DCHS2: variants seen among roughly 807,000 people sequenced by gnomAD.
DCHS2 encodes the protein dachsous cadherin-related 2.
Under a neutral mutation model 182.4 loss-of-function variants are expected in DCHS2, and 142 were observed. The observed-to-expected ratio is 0.78, with a 90% confidence interval of 0.68 to 0.89. DCHS2 has a LOEUF of 0.89. Ranked by LOEUF, DCHS2 falls within the 40% of genes least tolerant of loss-of-function variation. The probability of loss-of-function intolerance (pLI) is 0.00; values close to 1 mark genes in which losing one functional copy is unlikely to be tolerated. For synonymous variants in DCHS2, 1,740 were observed against 1,663.3 expected, an observed-to-expected ratio of 1.05 and a Z score of -1.12; for missense variants, 4,319 against 4,198.6, an observed-to-expected ratio of 1.03 and a Z score of -0.79.
chr4:154,298,321 T>C lies in DCHS2; in HGVS notation c.5993A>G (p.Glu1998Gly). The change falls in exon 13 of 20, where the codon GAA (glutamate) becomes GGA (glycine). Residue 1998 changes from glutamate (E) to glycine (G), a missense_variant. Coordinates refer to ENST00000357232, the MANE Select transcript of DCHS2 (RefSeq NM_001358235.2). Reference sequence around the variant, plus strand: ...ACTAAATGTATGCTGAGATCTGGCTTCACGGTCGAGGGTGTTGCTGGTTTT... The same window carrying C: ...ACTAAATGTATGCTGAGATCTGGCTCCACGGTCGAGGGTGTTGCTGGTTTT... ...TLKTSNTLDR[E>G]ARSQHTFSAV... 1 of 1,614,196 alleles carries C rather than the reference T, an allele frequency of 6.2e-7. No individual in the cohort carries two copies. The highest frequency in any genetic ancestry group is 8.5e-7 in the Non-Finnish European group (1 of 1,180,006).
intron 3 of DCHS2, among the ~76,000 whole-genome samples, chr4:154,335,348 C>T (rs954610227): frequency 6.6e-6 from 1 of 152,148 alleles, no homozygotes; most frequent in Non-Finnish European, 1.5e-5. Flanking sequence ...TGTGGGCAGG[C>T]CTGGTCCAAT....
intron 7 of DCHS2, among the ~76,000 whole-genome samples, chr4:154,325,253 A>G (rs1018104585): frequency 2.0e-5 from 3 of 151,834 alleles, no homozygotes; most frequent in East Asian, 1.9e-4. Flanking sequence ...CCATACATCC[A>G]TAAATAACAT....
chr4:154,377,731 T>C (rs1427562354), intron 1 of DCHS2, among the ~76,000 whole-genome samples: 2 of 152,206 alleles, frequency 1.3e-5, no homozygotes, highest in Admixed American at 6.5e-5. Flanking sequence ...CATTCACTTA[T>C]AGTCTTCTTA....
At chr4:154,242,480 T>C (rs759726751) in intron 17 of DCHS2, among the ~76,000 whole-genome samples, 162 bp downstream of exon 17, 20 of 152,218 alleles carry the variant, frequency 1.3e-4, no homozygotes, top group Non-Finnish European at 2.4e-4. Flanking sequence ...ATTTAACTTA[T>C]GATCATCCAT....
intron 14 of DCHS2, among the ~76,000 whole-genome samples, chr4:154,268,085 G>A (rs986482562): frequency 6.6e-6 from 1 of 152,158 alleles, no homozygotes; most frequent in Non-Finnish European, 1.5e-5. Context: ...GCATCGTGAG[G>A]TGCCATAGCA....
intron 1 of DCHS2, among the ~76,000 whole-genome samples, chr4:154,419,476 C>T (rs1339628771): frequency 6.6e-6 from 1 of 151,298 alleles, no homozygotes; most frequent in Non-Finnish European, 1.5e-5. Flanking sequence ...TGTGGTGAAA[C>T]CCCATCTCTA....
intron 7 of DCHS2, among the ~76,000 whole-genome samples, chr4:154,325,803 GCTCCCTGAC>G (rs1197239377): frequency 6.6e-6 from 1 of 152,196 alleles, no homozygotes; most frequent in African/African-American, 2.4e-5. Context: ...GAAGAATTTG[GCTCCCTGAC>G]CATGGAGGTA....
At chr4:154,289,017 T>C (rs1242546199) in intron 13 of DCHS2, among the ~76,000 whole-genome samples, 1 of 151,364 alleles carries the variant, frequency 6.6e-6, no homozygotes, top group Non-Finnish European at 1.5e-5. Context: ...TCTTAAAGAA[T>C]TAAAAAAGCA....
intron 10 of DCHS2, among the ~76,000 whole-genome samples, chr4:154,309,153 G>T (rs1735576490): frequency 6.6e-6 from 1 of 152,110 alleles, no homozygotes; most frequent in South Asian, 2.1e-4. Flanking sequence ...TGTAGTGGTT[G>T]TTCCCTCTGC....
intron 3 of DCHS2, among the ~76,000 whole-genome samples, chr4:154,345,398 C>G (rs1388305275): frequency 6.6e-6 from 1 of 152,218 alleles, no homozygotes; most frequent in Non-Finnish European, 1.5e-5. Flanking sequence ...TGATGCTGAT[C>G]TAACTGATTC....
At chr4:154,429,271 G>A (rs970685642) in intron 1 of DCHS2, among the ~76,000 whole-genome samples, 21 of 152,254 alleles carry the variant, frequency 1.4e-4, no homozygotes, top group East Asian at 5.8e-4. Context: ...TTGGAGAGCC[G>A]AAATGACTGT....
chr4:154,348,148 C>T (rs1349246389), intron 3 of DCHS2, among the ~76,000 whole-genome samples: 2 of 151,972 alleles, frequency 1.3e-5, no homozygotes, highest in Non-Finnish European at 2.9e-5. Flanking sequence ...CCAGTGGACA[C>T]AGATGGCTTA....
chr4:154,491,612 T>G lies in DCHS2; in HGVS notation c.-257A>C. On this transcript the variant is annotated 5_prime_UTR_variant, in exon 1 of 20. The change abolishes the stop of an existing upstream ORF in the 5' untranslated region. Coordinates refer to ENST00000357232, the MANE Select transcript of DCHS2 (RefSeq NM_001358235.2). ...CCACCTCTTCTGCCCCTGGATTTCTTTAAACGAATCTCATCTCTTTTTCTC... is the reference window on the plus strand; with the variant it reads ...CCACCTCTTCTGCCCCTGGATTTCTGTAAACGAATCTCATCTCTTTTTCTC... 1 of 1,327,288 alleles carries G rather than the reference T, an allele frequency of 7.5e-7. No individual in the cohort carries two copies. Among genetic ancestry groups the G allele is most frequent in the Non-Finnish European group, 9.6e-7 (1 of 1,045,380 alleles). The allele number at this position is 1,327,288 out of a possible 1,614,324, so 82.2% of individuals were successfully genotyped here.
At chr4:154,310,373 GTTTC>G (rs1735624341) in intron 10 of DCHS2, among the ~76,000 whole-genome samples, 1 of 152,182 alleles carries the variant, frequency 6.6e-6, no homozygotes, top group African/African-American at 2.4e-5. Context: ...TCTCTTGAGA[GTTTC>G]TTTGATTGGT....
intron 13 of DCHS2, among the ~76,000 whole-genome samples, chr4:154,274,596 T>A (rs896493464): frequency 2.6e-5 from 4 of 152,310 alleles, no homozygotes; most frequent in African/African-American, 9.6e-5. Flanking sequence ...TCATGTAGTA[T>A]CTGGCGTATT....
intron 15 of DCHS2, among the ~76,000 whole-genome samples, chr4:154,258,886 T>C (rs2111167341): frequency 6.6e-6 from 1 of 152,252 alleles, no homozygotes; most frequent in South Asian, 2.1e-4. Flanking sequence ...GAAGTTGGAT[T>C]TATACTGATT....
In DCHS2 at chr4:154,305,042, T is replaced by A. The variant is rs1578942511; in HGVS notation, c.5395+55A>T. On this transcript the variant is annotated intron_variant, in intron 11 of 19. Coordinates refer to ENST00000357232, the MANE Select transcript of DCHS2 (RefSeq NM_001358235.2). ...TAACATTTCACCACTTAACAGGTTT[T>A]TTTTAAATTTAATTTTTAATTTTTA... The A allele has an allele frequency of 2.6e-6, 4 of 1,513,062 alleles. No individual in the cohort carries two copies. The East Asian group carries it at 9.9e-5, about 37-fold the overall frequency. 93.7% of individuals were successfully genotyped at this position (1,513,062 alleles called of 1,614,324 possible). A position where few individuals can be genotyped will look rare whatever the true frequency, so the allele number is the denominator to read the frequency against.
Position 154,489,441 on chromosome 4 carries a change from C to A in DCHS2, c.1915G>T (p.Gly639Ter), listed in dbSNP as rs776985901. The part of the protein sequence containing the change: ...VELKVVAQDL[G>*]EPPLSATCLV... Reference sequence around the variant, plus strand: ...CAGGTGGCAGAGAGTGGGGGCTCTCCGAGGTCCTGGGCCACCACTTTCAGC... The same window carrying A: ...CAGGTGGCAGAGAGTGGGGGCTCTCAGAGGTCCTGGGCCACCACTTTCAGC... Residue 639 changes from glycine to a stop codon, truncating the protein, a stop_gained, in exon 1 of 20, where the codon GGA becomes TGA. Transcript: ENST00000357232. LOFTEE classifies it high-confidence loss of function. 4.5e-6 allele frequency: 7 copies of A among 1,551,744 alleles called. No individual in the cohort carries two copies. In the South Asian group the frequency reaches 8.3e-5, roughly 18 times the overall value.
rs780799959 is a variant in DCHS2 at position 154,491,175 on chromosome 4, C to T, written c.181G>A (p.Gly61Ser). The change falls in exon 1 of 20, where the codon GGC (glycine) becomes AGC (serine). Residue 61 changes from glycine (G) to serine (S), a missense_variant. Transcript: ENST00000357232. ...AGGTTGAACAACTGGGCAGAGGAGC[C>T]CGAGGCCGCCCACAGCCACACGTGC... ...LVHVWLWAAS[G>S]SSAQLFNLTL... 12 of 1,551,150 alleles carry T rather than the reference C, an allele frequency of 7.7e-6. No homozygotes were observed. Among genetic ancestry groups the T allele is most frequent in the African/African-American group, 1.4e-5 (1 of 73,026 alleles).
Sources: gnomAD v4.1 joint callset for allele counts (sites outside exome capture counted in the v4.1 genomes callset) on GRCh38, gnomAD v4.1.1 for gene constraint, MANE v1.5 for transcripts, NCBI Gene and HGNC (gene_info 2026-07-23, HGNC 2026-07-21) for gene names.